Variants in PIEZO1 observed in about 807,000 individuals in gnomAD.
The protein encoded by PIEZO1 is piezo-type mechanosensitive ion channel component 1.
A neutral mutation model predicts 297.2 loss-of-function variants in PIEZO1; 296 were observed. That is an observed-to-expected ratio of 1.00 (90% CI 0.91 to 1.10). PIEZO1 has a LOEUF of 1.10. Among genes scored for constraint, PIEZO1 ranks in the 50% least tolerant of loss-of-function variants. PIEZO1 has a pLI of 0.00. For missense variants in PIEZO1, 5,018 were observed against 3,455.5 expected (o/e 1.45, Z -11.34); for synonymous variants, 2,427 against 1,507.5 (o/e 1.61, Z -14.13).
In PIEZO1 at chr16:88,720,189, A is replaced by G. The variant is rs566776050; in HGVS notation, c.6044T>C (p.Met2015Thr). Residue 2015 changes from methionine to threonine, a missense_variant, in exon 42 of 51, where the codon ATG becomes ACG. Met to Thr is a moderately conservative substitution (Grantham distance 81). Transcript: ENST00000301015. ...CAGGTAGAGGGCGCGGTCAACCACC[A>G]TGGTACTGAACTGGATCAGCAGCAT... Reference protein sequence around the residue: ...LVMLLIQFSTMVVDRALYLRK... With the variant: ...LVMLLIQFSTTVVDRALYLRK... The G allele has an allele frequency of 2.5e-5, 38 of 1,550,532 alleles. No individual in the cohort carries two copies. The East Asian group carries it at 5.9e-4, about 24-fold the overall frequency.
Position 88,785,037 on chromosome 16 carries a change from G to A in PIEZO1, c.-73C>T, listed in dbSNP as rs1391804457. The A allele has an allele frequency of 2.1e-6, 2 of 953,124 alleles. No homozygotes were observed. Among genetic ancestry groups the A allele is most frequent in the Non-Finnish European group, 2.7e-6 (2 of 749,492 alleles). 59.0% of individuals were successfully genotyped at this position (953,124 alleles called of 1,614,324 possible). On this transcript the variant is annotated 5_prime_UTR_variant, in exon 1 of 51. Coordinates refer to ENST00000301015, the MANE Select transcript of PIEZO1 (RefSeq NM_001142864.4). The stretch of plus-strand genomic sequence containing the variant: ...CTATGGGGCGGTGCGGGGGCCCCGG[G>A]GCCGGCGCGCCATGGCTGACCCGCG...
rs771213718 is a variant in PIEZO1, at chr16:88,733,353, G to T, written c.2589C>A (p.Cys863Ter). 6.5e-7 allele frequency: 1 copy of T among 1,550,228 alleles called. No individual in the cohort carries two copies. Among genetic ancestry groups the T allele is most frequent in the South Asian group, 1.2e-5 (1 of 84,066 alleles). ...MASCLSTVWT[C>*]VIIVCKMLYQ... The stretch of plus-strand genomic sequence containing the variant: ...ACAGCATCTTACACACGATGATGAC[G>T]CAGGTCCACACGGTGGACAGGCAGG... Residue 863 changes from cysteine to a stop codon, truncating the protein, a stop_gained, in exon 19 of 51, where the codon TGC becomes TGA. Transcript: ENST00000301015. LOFTEE classifies it high-confidence loss of function.
intron 1 of PIEZO1, among the ~76,000 whole-genome samples, chr16:88,779,921 C>T (rs905089132): frequency 1.3e-5 from 2 of 152,234 alleles, no homozygotes; most frequent in Admixed American, 1.3e-4. Flanking sequence ...ACGGCTGTCC[C>T]GCCCCTACCC....
chr16:88,782,873 G>C (rs1036470662), intron 1 of PIEZO1, among the ~76,000 whole-genome samples: 1 of 152,104 alleles, frequency 6.6e-6, no homozygotes, highest in Non-Finnish European at 1.5e-5. Flanking sequence ...TTCTTGGCCG[G>C]CTCCACTTCC....
intron 1 of PIEZO1, among the ~76,000 whole-genome samples, chr16:88,775,109 G>A (rs1907598605): frequency 6.6e-6 from 1 of 152,332 alleles, no homozygotes; most frequent in South Asian, 2.1e-4. Context: ...GGACGTAACG[G>A]AGTGAGGGGA....
intron 3 of PIEZO1, 93 bp downstream of exon 3, chr16:88,742,207 G>T (rs1180848383): frequency 6.7e-7 from 1 of 1,500,840 alleles, no homozygotes; most frequent in African/African-American, 1.4e-5. Flanking sequence ...AAATCAGGCT[G>T]AGTCAACCCC....
chr16:88,772,305 G>A (rs573396494), intron 1 of PIEZO1, among the ~76,000 whole-genome samples: 6 of 152,360 alleles, frequency 3.9e-5, no homozygotes, highest in East Asian at 3.9e-4. Flanking sequence ...CAAGTGAGCC[G>A]GGGGTTGGGA....
At chr16:88,727,328 G>A (rs1904520696) in intron 23 of PIEZO1, 136 bp from the exon 24 acceptor site, 10 of 1,052,162 alleles carry the variant, frequency 9.5e-6, no homozygotes, top group Non-Finnish European at 1.3e-5. Context: ...CTGGGTGAGT[G>A]GCCGGGTGTC....
At chr16:88,743,992 G>A (rs976894771) in intron 2 of PIEZO1, 1 of 225,202 alleles carries the variant, frequency 4.4e-6, no homozygotes, top group Non-Finnish European at 9.1e-6. Flanking sequence ...GCTCCCGGAG[G>A]ACAGGACCTT....
At chr16:88,726,525 C>G (rs2247261) in intron 26 of PIEZO1, 22 bp downstream of exon 26, 6 of 1,546,490 alleles carry the variant, frequency 3.9e-6, no homozygotes, top group South Asian at 3.6e-5. Context: ...CGCCCTCCCC[C>G]GCCACCGTCC....
intron 2 of PIEZO1, among the ~76,000 whole-genome samples, chr16:88,744,676 G>A (rs1050455841): frequency 6.6e-6 from 1 of 151,248 alleles, no homozygotes; most frequent in Non-Finnish European, 1.5e-5. Context: ...CTCCTTCCCG[G>A]TTCAGTTCTC....
chr16:88,716,476 C>A lies in PIEZO1; in HGVS notation c.6934G>T (p.Ala2312Ser), dbSNP rs1407703120. ...RFTWNFQRDLAKGGTVEYANE... is the reference protein window; with the variant it reads ...RFTWNFQRDLSKGGTVEYANE... ...GCATACTCCACAGTGCCTCCCTTCG[C>A]CAGGTCCCTGGGGGTGGGAACACAG... The change falls in exon 48 of 51, where the codon GCG becomes TCG. Residue 2312 changes from alanine to serine, a missense_variant. Physicochemically the swap from Ala to Ser is moderately conservative, Grantham distance 99. Transcript: ENST00000301015. 1.3e-6 allele frequency: 2 copies of A among 1,547,090 alleles called. No homozygotes were observed. Among genetic ancestry groups the A allele is most frequent in the African/African-American group, 1.4e-5 (1 of 73,036 alleles).
In PIEZO1 at chr16:88,732,520, G is replaced by C; in HGVS notation, c.2806C>G (p.Leu936Val). 6.5e-7 allele frequency: 1 copy of C among 1,547,082 alleles called. No homozygotes were observed. The highest frequency in any genetic ancestry group is 8.7e-7 in the Non-Finnish European group (1 of 1,144,408). Residue 936 changes from leucine (L) to valine (V), a missense_variant, in exon 21 of 51, where the codon CTG becomes GTG. Transcript: ENST00000301015. The stretch of plus-strand genomic sequence containing the variant: ...ATGGCCTCGAATACCAGCAGCAGCA[G>C]CACTTGCAGGTGGTTCTGCGGAGGG... ...LGYIQNHLQV[L>V]LLLVFEAIVY... is the part of the protein sequence containing the mutation.
rs112962992 is a variant in PIEZO1, at chr16:88,749,239, CA to C, written c.160+144del. 0.11 allele frequency: 45,183 copies of C among 429,842 alleles called. 7 individuals carry two copies. The highest frequency in any genetic ancestry group is 0.13 in the South Asian group (3,922 of 29,222). 26.6% of individuals were successfully genotyped at this position (429,842 alleles called of 1,614,324 possible). On this transcript the variant is annotated intron_variant, in intron 2 of 50. Coordinates refer to ENST00000301015, the MANE Select transcript of PIEZO1 (RefSeq NM_001142864.4). ...TGGGCGACTGAGCGAGACTCCGTCT[CA>C]AAAAAAAAAAAAAATTTTATTTCGG...
chr16:88,737,683 C>G (rs1462119070), intron 9 of PIEZO1, 37 bp from the exon 10 acceptor site: 5 of 1,533,100 alleles, frequency 3.3e-6, no homozygotes, highest in Non-Finnish European at 4.4e-6. Flanking sequence ...CACGGGCTGG[C>G]CGGGCGCCCC....
chr16:88,735,440 C>G (rs1597459103), intron 12 of PIEZO1, among the ~76,000 whole-genome samples, 194 bp from the exon 13 acceptor site: 2 of 152,252 alleles, frequency 1.3e-5, no homozygotes, highest in African/African-American at 2.4e-5. Flanking sequence ...AGCACACACT[C>G]TCACATCCAT....
Position 88,737,490 on chromosome 16 carries a change from C to G in PIEZO1, c.1195+69G>C, listed in dbSNP as rs887388255. On this transcript the variant is annotated intron_variant, in intron 10 of 50. Coordinates refer to ENST00000301015, the MANE Select transcript of PIEZO1 (RefSeq NM_001142864.4). ...AGCATGCGAGAGCGCCAGGCGGCCA[C>G]CAGGGGGCAGCACCGGCCTCCGCCC... 2.4e-5 allele frequency: 28 copies of G among 1,143,578 alleles called. No homozygotes were observed. The African/African-American group carries it at 4.2e-4, about 17-fold the overall frequency. The allele number at this position is 1,143,578 out of a possible 1,614,324, so 70.8% of individuals were successfully genotyped here. A position where few individuals can be genotyped will look rare whatever the true frequency, so the allele number is the denominator to read the frequency against.
At chr16:88,748,964 G>C (rs946552170) in intron 2 of PIEZO1, among the ~76,000 whole-genome samples, 1 of 139,122 alleles carries the variant, frequency 7.2e-6, no homozygotes, top group African/African-American at 2.7e-5. Context: ...AAAGCCGGGC[G>C]CGGTGGCTCA....
chr16:88,722,618 G>GGGGCCTGGCAGCGTGGCCT lies in PIEZO1; in HGVS notation c.4721_4739dup (p.Thr1581GlyfsTer48). ...TGCTTGGGGCATTGGGGGCCTCGGT[G>GGGGCCTGGCAGCGTGGCCT]GGGCCTGGCAGCGTGGCCTCGGCCT... On this transcript the variant is annotated frameshift_variant, in exon 35 of 51. Coordinates refer to ENST00000301015, the MANE Select transcript of PIEZO1 (RefSeq NM_001142864.4). LOFTEE classifies it high-confidence loss of function. 6.5e-7 allele frequency: 1 copy of GGGGCCTGGCAGCGTGGCCT among 1,538,184 alleles called. No homozygotes were observed. The highest frequency in any genetic ancestry group is 8.7e-7 in the Non-Finnish European group (1 of 1,145,612).
Sources: gnomAD v4.1 joint callset for allele counts (sites outside exome capture counted in the v4.1 genomes callset) on GRCh38, gnomAD v4.1.1 for gene constraint, MANE v1.5 for transcripts, NCBI Gene and HGNC (gene_info 2026-07-23, HGNC 2026-07-21) for gene names.